SLC24A2: variants seen among roughly 807,000 people sequenced by gnomAD.
SLC24A2 encodes the protein solute carrier family 24 member 2.
In SLC24A2, 36 loss-of-function variants were observed where a neutral mutation model predicts 62.0. The ratio of observed to expected loss-of-function variants is 0.58; its 90% CI spans 0.44 to 0.77. SLC24A2 has a LOEUF of 0.77. Ranked by LOEUF, SLC24A2 falls within the 30% of genes least tolerant of loss-of-function variation. SLC24A2 has a pLI of 0.00. For missense variants in SLC24A2, 846 were observed against 817.9 expected, an observed-to-expected ratio of 1.03 and a Z score of -0.42; for synonymous variants, 358 against 294.0, an observed-to-expected ratio of 1.22 and a Z score of -2.23.
the SLC24A2 span, among the ~76,000 whole-genome samples, chr9:20,206,258 C>T: frequency 2.4e-4 from 37 of 152,270 alleles, no homozygotes; most frequent in African/African-American, 7.7e-4. Flanking sequence ...AACTACATAA[C>T]TGTGTCAGGC....
chr9:20,099,797 C>G, the SLC24A2 span, among the ~76,000 whole-genome samples: 1 of 151,984 alleles, frequency 6.6e-6, no homozygotes, highest in Non-Finnish European at 1.5e-5. Flanking sequence ...AAAATAGCTG[C>G]AATACATAAG....
At chr9:19,802,180 A>G in the SLC24A2 span, among the ~76,000 whole-genome samples, 7 of 152,216 alleles carry the variant, frequency 4.6e-5, no homozygotes, top group African/African-American at 1.4e-4. Flanking sequence ...TTGTAGCTCT[A>G]TGACTGGTTG....
the SLC24A2 span, among the ~76,000 whole-genome samples, chr9:20,038,395 A>G: frequency 6.6e-6 from 1 of 152,242 alleles, no homozygotes; most frequent in Non-Finnish European, 1.5e-5. Flanking sequence ...CCAATACCCC[A>G]GTAAGGACCT....
rs1408248786 is a variant in SLC24A2 at position 19,511,773 on chromosome 9, C to G, written c.*4380G>C. The G allele has an allele frequency of 6.6e-6, 1 of 152,178 alleles. No individual in the cohort carries two copies. 9.4% of individuals were successfully genotyped at this position (152,178 alleles called of 1,614,324 possible). Reference sequence around the variant, plus strand: ...TGAGAACAGCTTCACTTTGTTTCTTCTGGAACACAGCTGCCACCTATAATA... The same window carrying G: ...TGAGAACAGCTTCACTTTGTTTCTTGTGGAACACAGCTGCCACCTATAATA... On this transcript the variant is annotated 3_prime_UTR_variant, in exon 11 of 11. Transcript: ENST00000341998.
At chr9:19,590,155 G>C (rs189272732) in intron 5 of SLC24A2, among the ~76,000 whole-genome samples, 448 of 34,118 alleles carry the variant, frequency 0.013, 4 homozygotes, top group African/African-American at 0.055. Context: ...TGAAGAAAGA[G>C]GCTGTGGTAA....
rs573235657 is a variant in SLC24A2, at chr9:19,661,631, G to T, written c.931-39332C>A. Among the ~76,000 whole-genome samples the T allele has an allele frequency of 3.3e-5, 5 of 152,262 alleles. No homozygotes were observed. In the South Asian group the frequency reaches 1.0e-3, roughly 32 times the overall value. On this transcript the variant is annotated intron_variant, in intron 2 of 10. Transcript: ENST00000341998. ...ATTTACAGTTCCAAGAAGTCATTGG[G>T]TTAAGGAAGTCCAAATAAAGGGTGT...
chr9:19,716,364 T>A (rs758515300), intron 2 of SLC24A2, among the ~76,000 whole-genome samples: 2 of 152,228 alleles, frequency 1.3e-5, no homozygotes, highest in Non-Finnish European at 2.9e-5. Flanking sequence ...TCATTCAGCA[T>A]ACTTATTGTG....
chr9:20,295,541 T>G, the SLC24A2 span, among the ~76,000 whole-genome samples: 1 of 152,210 alleles, frequency 6.6e-6, no homozygotes, highest in East Asian at 1.9e-4. Context: ...GTGAATGAAC[T>G]AGGCAGGAAG....
the SLC24A2 span, among the ~76,000 whole-genome samples, chr9:20,068,246 T>C: frequency 2.0e-5 from 3 of 151,940 alleles, no homozygotes; most frequent in African/African-American, 4.8e-5. Flanking sequence ...GTATTTTTAG[T>C]AGAGACGGGG....
the SLC24A2 span, among the ~76,000 whole-genome samples, chr9:19,811,295 A>C: frequency 1.3e-5 from 2 of 152,186 alleles, no homozygotes; most frequent in Admixed American, 6.5e-5. Flanking sequence ...GATTGTGAGA[A>C]ATAAATTCTG....
the SLC24A2 span, among the ~76,000 whole-genome samples, chr9:19,892,884 G>C: frequency 6.6e-6 from 1 of 152,066 alleles, no homozygotes; most frequent in Non-Finnish European, 1.5e-5. Context: ...CTTCTCCAAG[G>C]GCTGAAAATC....
chr9:20,258,076 C>T, the SLC24A2 span, among the ~76,000 whole-genome samples: 1 of 152,292 alleles, frequency 6.6e-6, no homozygotes, highest in East Asian at 1.9e-4. Context: ...CTCCCAACCC[C>T]CTACACACAC....
At chr9:20,291,658 CA>C in the SLC24A2 span, among the ~76,000 whole-genome samples, 1 of 152,202 alleles carries the variant, frequency 6.6e-6, no homozygotes, top group Non-Finnish European at 1.5e-5. Context: ...ACTGTGCCAT[CA>C]CCTTCTTGTT....
At chr9:20,023,775 C>T in the SLC24A2 span, among the ~76,000 whole-genome samples, 1 of 152,122 alleles carries the variant, frequency 6.6e-6, no homozygotes, top group Non-Finnish European at 1.5e-5. Context: ...TCCTCTAAAA[C>T]AAACTGGAAA....
the SLC24A2 span, among the ~76,000 whole-genome samples, chr9:20,225,803 T>C: frequency 6.6e-6 from 1 of 151,516 alleles, no homozygotes; most frequent in Admixed American, 6.6e-5. Context: ...ATATGGGTCT[T>C]TATGGTTAGC....
the SLC24A2 span, among the ~76,000 whole-genome samples, chr9:20,079,648 CAGTATGTCTGTGGGATA>C: frequency 4.6e-5 from 7 of 152,164 alleles, no homozygotes; most frequent in African/African-American, 1.4e-4. Flanking sequence ...TTGGCAAGCA[CAGTATGTCTGTGGGATA>C]AATTCTCAGA....
chr9:19,852,546 A>G, the SLC24A2 span, among the ~76,000 whole-genome samples: 1,619 of 152,270 alleles, frequency 0.011, 23 homozygotes, highest in African/African-American at 0.035. Context: ...ACAGCTAGCC[A>G]GCTCTCCCAG....
At chr9:20,020,344 G>A in the SLC24A2 span, among the ~76,000 whole-genome samples, 1 of 151,930 alleles carries the variant, frequency 6.6e-6, no homozygotes, top group Non-Finnish European at 1.5e-5. Flanking sequence ...ATGATAGACT[G>A]GATAAAGAAA....
intron 2 of SLC24A2, among the ~76,000 whole-genome samples, chr9:19,769,224 T>C (rs1188157754): frequency 6.6e-6 from 1 of 152,192 alleles, no homozygotes; most frequent in African/African-American, 2.4e-5. Context: ...CCTCGATTTC[T>C]CTCTTTTTAT....
Sources: allele counts gnomAD v4.1 joint callset (sites outside exome capture counted in the v4.1 genomes callset), GRCh38; gene constraint gnomAD v4.1.1; transcripts MANE v1.5; gene names NCBI Gene and HGNC (gene_info 2026-07-23, HGNC 2026-07-21).